TRPM3: variants seen among roughly 807,000 people sequenced by gnomAD.
TRPM3 encodes the protein transient receptor potential cation channel subfamily M member 3.
Under a neutral mutation model 181.2 loss-of-function variants are expected in TRPM3, and 77 were observed. The observed-to-expected ratio is 0.42, with a 90% CI of 0.35 to 0.51. The LOEUF is 0.51. TRPM3 is among the 20% of genes least tolerant of loss of function. The pLI is 0.01. For missense variants in TRPM3, 1,759 were observed against 2,196.7 expected, an observed-to-expected ratio of 0.80 and a Z score of 3.98; for synonymous variants, 745 against 796.4, an observed-to-expected ratio of 0.94 and a Z score of 1.09.
rs561679126 is a variant in TRPM3 at position 70,535,125 on chromosome 9, A to T, written c.*828T>A. 4.0e-6 allele frequency: 1 copy of T among 249,326 alleles called. No individual in the cohort carries two copies. The highest frequency in any genetic ancestry group is 5.1e-5 in the Admixed American group (1 of 19,728). 15.4% of individuals were successfully genotyped at this position (249,326 alleles called of 1,614,324 possible). A position where few individuals can be genotyped will look rare whatever the true frequency, so the allele number is the denominator to read the frequency against. Reference sequence around the variant, plus strand: ...GATACAAAATAAATTAAAAAATATAAAATTATTTAATTACATTCTCCTGAG... The same window carrying T: ...GATACAAAATAAATTAAAAAATATATAATTATTTAATTACATTCTCCTGAG... On this transcript the variant is annotated 3_prime_UTR_variant, in exon 26 of 26. Transcript: ENST00000677713.
intron 1 of TRPM3, among the ~76,000 whole-genome samples, chr9:71,132,250 T>C (rs1260132717): frequency 6.6e-6 from 1 of 152,222 alleles, no homozygotes; most frequent in Non-Finnish European, 1.5e-5. Flanking sequence ...CCCCAAGATC[T>C]GAGTCTCGAT....
intron 9 of TRPM3, among the ~76,000 whole-genome samples, chr9:70,665,889 CTT>C (rs766924505): frequency 1.3e-5 from 2 of 152,158 alleles, no homozygotes; most frequent in Non-Finnish European, 2.9e-5. Context: ...CATTCTGTCT[CTT>C]TGAGTTCTGG....
chr9:71,355,250 T>A (rs550826983), intron 1 of TRPM3, among the ~76,000 whole-genome samples: 61 of 152,306 alleles, frequency 4.0e-4, no homozygotes, highest in African/African-American at 1.4e-3. Context: ...TGGAAAAAGT[T>A]TTTTACAGAT....
chr9:70,923,801 A>ACTCT (rs1190789098), intron 1 of TRPM3, among the ~76,000 whole-genome samples: 1 of 133,092 alleles, frequency 7.5e-6, no homozygotes, highest in Non-Finnish European at 1.6e-5. Flanking sequence ...ACACACACAC[A>ACTCT]CACTCTCTCT....
chr9:70,760,066 G>T (rs1178247684), intron 8 of TRPM3, among the ~76,000 whole-genome samples: 1 of 152,116 alleles, frequency 6.6e-6, no homozygotes, highest in Admixed American at 6.6e-5. Context: ...ATAAAATGCA[G>T]TTAACTTTTT....
intron 1 of TRPM3, among the ~76,000 whole-genome samples, chr9:71,292,351 G>T (rs989240477): frequency 1.3e-5 from 2 of 151,808 alleles, no homozygotes; most frequent in African/African-American, 4.8e-5. Context: ...ATAGAAAACA[G>T]AAAAGAAGAT....
chr9:71,277,611 A>G (rs1311569949), intron 1 of TRPM3, among the ~76,000 whole-genome samples: 1 of 152,166 alleles, frequency 6.6e-6, no homozygotes, highest in Non-Finnish European at 1.5e-5. Flanking sequence ...AGTCCACAAA[A>G]GAGGCTCATT....
chr9:71,298,153 AG>A (rs766550985), intron 1 of TRPM3, among the ~76,000 whole-genome samples: 1 of 152,154 alleles, frequency 6.6e-6, no homozygotes, highest in Non-Finnish European at 1.5e-5. Flanking sequence ...TATTTACTGC[AG>A]GATATCTTAA....
chr9:71,062,504 A>G (rs1194528174), intron 1 of TRPM3, among the ~76,000 whole-genome samples: 1 of 152,122 alleles, frequency 6.6e-6, no homozygotes, highest in Non-Finnish European at 1.5e-5. Context: ...ACATATGCCA[A>G]CTTCACTACA....
chr9:70,785,896 G>A (rs1453623589), intron 6 of TRPM3, among the ~76,000 whole-genome samples: 1 of 152,142 alleles, frequency 6.6e-6, no homozygotes, highest in Non-Finnish European at 1.5e-5. Context: ...AAGGCAAGAT[G>A]CCAAGATTTC....
At chr9:70,607,268 A>ATACTC (rs2132916043) in intron 19 of TRPM3, among the ~76,000 whole-genome samples, 1 of 152,310 alleles carries the variant, frequency 6.6e-6, no homozygotes, top group East Asian at 1.9e-4. Flanking sequence ...CTGGTGAGAA[A>ATACTC]TACTCTTACA....
intron 1 of TRPM3, among the ~76,000 whole-genome samples, chr9:70,879,206 C>T (rs1220580206): frequency 6.6e-6 from 1 of 152,060 alleles, no homozygotes; most frequent in Non-Finnish European, 1.5e-5. Context: ...AGTAAATACA[C>T]ATGCCAGGCA....
intron 1 of TRPM3, among the ~76,000 whole-genome samples, chr9:71,204,590 T>C (rs1206662291): frequency 1.3e-5 from 2 of 152,090 alleles, no homozygotes; most frequent in Non-Finnish European, 2.9e-5. Flanking sequence ...TGTGGAGAAA[T>C]AGGGACACTT....
intron 1 of TRPM3, among the ~76,000 whole-genome samples, chr9:70,933,949 G>C (rs1365029354): frequency 6.6e-6 from 1 of 152,054 alleles, no homozygotes; most frequent in Non-Finnish European, 1.5e-5. Context: ...AGGAAGGCAG[G>C]GTTTTTTGTG....
At chr9:70,556,332 T>A (rs1243243527) in intron 22 of TRPM3, among the ~76,000 whole-genome samples, 1 of 152,072 alleles carries the variant, frequency 6.6e-6, no homozygotes, top group Non-Finnish European at 1.5e-5. Context: ...GCCAATCTTT[T>A]GGGTATTAAT....
At chr9:70,759,998 C>T (rs186557629) in intron 8 of TRPM3, among the ~76,000 whole-genome samples, 1 of 152,172 alleles carries the variant, frequency 6.6e-6, no homozygotes, top group East Asian at 1.9e-4. Context: ...TAAAGAAGAA[C>T]TCATTTCCTG....
At chr9:70,843,178 T>C (rs768390425) in intron 4 of TRPM3, 51 bp from the exon 5 acceptor site, 2 of 1,568,786 alleles carry the variant, frequency 1.3e-6, no homozygotes, top group Non-Finnish European at 1.7e-6. Flanking sequence ...AAATACCTTT[T>C]CATCATTCTA....
intron 1 of TRPM3, among the ~76,000 whole-genome samples, chr9:70,928,939 T>G (rs150673505): frequency 4.5e-4 from 68 of 152,288 alleles, no homozygotes; most frequent in Non-Finnish European, 1.0e-3. Context: ...GTTCCTGTCC[T>G]GACACAGCAT....
chr9:70,620,041 C>T (rs763377717), intron 16 of TRPM3, 35 bp downstream of exon 16: 27 of 1,575,954 alleles, frequency 1.7e-5, no homozygotes, highest in African/African-American at 2.7e-5. Flanking sequence ...TTCCTCCTCT[C>T]CCCCTGACCA....
Sources: allele counts gnomAD v4.1 joint callset (sites outside exome capture counted in the v4.1 genomes callset), GRCh38; gene constraint gnomAD v4.1.1; transcripts MANE v1.5; gene names NCBI Gene and HGNC (gene_info 2026-07-23, HGNC 2026-07-21).